FER1L6: variants seen among roughly 807,000 people sequenced by gnomAD.
FER1L6 encodes fer-1-like protein 6.
FER1L6 carries 177 observed loss-of-function variants against 219.2 expected under a neutral mutation model. The observed-to-expected ratio is 0.81, with a 90% CI of 0.71 to 0.91. The LOEUF is 0.91. Among genes scored for constraint, FER1L6 ranks in the 40% least tolerant of loss-of-function variants. The pLI, the probability that FER1L6 is intolerant of heterozygous loss-of-function variation, is 0.00. For missense variants in FER1L6, 2,153 were observed against 2,259.9 expected, an observed-to-expected ratio of 0.95 and a Z score of 0.96; for synonymous variants, 768 against 824.3, an observed-to-expected ratio of 0.93 and a Z score of 1.17.
At chr8:124,054,590 C>G (rs950809301) in intron 22 of FER1L6, among the ~76,000 whole-genome samples, 1 of 152,176 alleles carries the variant, frequency 6.6e-6, no homozygotes, top group African/African-American at 2.4e-5. Flanking sequence ...GAAATTTGTC[C>G]TCAGACTACT....
intron 1 of FER1L6, among the ~76,000 whole-genome samples, chr8:123,923,021 G>C (rs544704849): frequency 1.3e-5 from 2 of 152,112 alleles, no homozygotes; most frequent in East Asian, 3.9e-4. Context: ...TCTCAGTCTA[G>C]CCACATCCTT....
At chr8:123,967,183 C>T (rs113117359) in intron 5 of FER1L6, among the ~76,000 whole-genome samples, 1 of 152,072 alleles carries the variant, frequency 6.6e-6, no homozygotes, top group African/African-American at 2.4e-5. Flanking sequence ...CTTTGATCCC[C>T]AATGCCCTAG....
chr8:124,070,533 T>C lies in FER1L6; in HGVS notation c.3901T>C (p.Phe1301Leu). The change falls in exon 30 of 41, where the codon TTC becomes CTC. Residue 1301 changes from phenylalanine (F) to leucine (L), a missense_variant. Coordinates refer to ENST00000522917, the MANE Select transcript of FER1L6 (RefSeq NM_001039112.2). ...FEDWVKTFEL[F>L]RGKSTEDDHG... ...AGACTGGGTGAAAACTTTTGAGCTC[T>C]TCAGAGGCAAGTCTACGGAAGATGA... The C allele has an allele frequency of 6.2e-7, 1 of 1,613,194 alleles. No homozygotes were observed.
intron 31 of FER1L6, among the ~76,000 whole-genome samples, chr8:124,072,766 C>G (rs1383131277): frequency 4.6e-5 from 7 of 152,190 alleles, no homozygotes; most frequent in Admixed American, 3.9e-4. Context: ...CTTAGAGTCA[C>G]TGACAATGTT....
In FER1L6 at chr8:123,930,744, G is replaced by A. The variant is rs181457632; in HGVS notation, c.-7-25248G>A. ...CAGGGATTGCTGTGGGATGGAATGG[G>A]CTGGTGCATGTACAACACTGGGCAG... On this transcript the variant is annotated intron_variant, in intron 1 of 40. Transcript: ENST00000522917. 1.7e-3 allele frequency among the ~76,000 whole-genome samples: 252 copies of A among 152,308 alleles called. 1 individual carries two copies. Among genetic ancestry groups the A allele is most frequent in the African/African-American group, 5.9e-3 (247 of 41,568 alleles).
At position 123,977,405 on chromosome 8, in the gene FER1L6, CTG is replaced by C; in HGVS notation, c.871-8_871-7del. ...CCTTCCATGACTCATGTCCTCCTGG[CTG>C]TGTTTTTAGGGGCGAACCACAGTGC... On this transcript the variant is annotated splice_polypyrimidine_tract_variant and intron_variant, in intron 9 of 40. Transcript: ENST00000522917. 1 of 1,609,774 alleles carries C rather than the reference CTG, an allele frequency of 6.2e-7. No individual in the cohort carries two copies. Among genetic ancestry groups the C allele is most frequent in the Non-Finnish European group, 8.5e-7 (1 of 1,177,422 alleles).
At position 123,970,311 on chromosome 8, in the gene FER1L6, G is replaced by A. The variant is rs191223274; in HGVS notation, c.447+214G>A. ...TTAAGAAGATCTATGCTTCTTGGAA[G>A]CAAGTGGTAAGCTATGGTAAAGCTA... On this transcript the variant is annotated intron_variant, in intron 6 of 40. Coordinates refer to ENST00000522917, the MANE Select transcript of FER1L6 (RefSeq NM_001039112.2). Among the ~76,000 whole-genome samples the A allele has an allele frequency of 7.9e-5, 12 of 152,332 alleles. No individual in the cohort carries two copies. The East Asian group carries it at 2.3e-3, about 29-fold the overall frequency.
intron 39 of FER1L6, among the ~76,000 whole-genome samples, chr8:124,110,340 C>T (rs868250700): frequency 6.6e-6 from 1 of 152,198 alleles, no homozygotes. Flanking sequence ...TAACTTGCCT[C>T]ATAGCACACA....
chr8:123,866,934 A>T (rs149146514), intron 1 of FER1L6, among the ~76,000 whole-genome samples: 44 of 152,218 alleles, frequency 2.9e-4, no homozygotes, highest in African/African-American at 1.1e-3. Flanking sequence ...ATTTGTTTTT[A>T]TGCTATTGAA....
chr8:123,957,537 T>C (rs961107285), intron 2 of FER1L6, among the ~76,000 whole-genome samples: 25 of 152,222 alleles, frequency 1.6e-4, no homozygotes, highest in African/African-American at 6.0e-4. Flanking sequence ...ACATCATTCA[T>C]GACTCTGAAA....
chr8:123,970,008 G>C (rs770593483), intron 5 of FER1L6, 27 bp from the exon 6 acceptor site: 3 of 1,607,056 alleles, frequency 1.9e-6, no homozygotes, highest in African/African-American at 1.3e-5. Context: ...TGGGGTTGAT[G>C]ACCAGAATGA....
intron 12 of FER1L6, among the ~76,000 whole-genome samples, chr8:123,997,185 G>A (rs1453591679): frequency 6.6e-6 from 1 of 152,068 alleles, no homozygotes; most frequent in Non-Finnish European, 1.5e-5. Flanking sequence ...ATGTCTTTTA[G>A]GATAGGTCTA....
chr8:124,029,548 T>C (rs1818868637), intron 18 of FER1L6, among the ~76,000 whole-genome samples: 1 of 152,250 alleles, frequency 6.6e-6, no homozygotes, highest in Admixed American at 6.5e-5. Context: ...TCATGTTTGT[T>C]GGCTGTATAA....
chr8:124,050,637 G>A (rs1248149627), intron 22 of FER1L6, among the ~76,000 whole-genome samples: 2 of 152,232 alleles, frequency 1.3e-5, no homozygotes, highest in Non-Finnish European at 2.9e-5. Context: ...TATAGACTGG[G>A]TAGTTTAAAC....
At chr8:124,054,979 G>C (rs1820215628) in intron 22 of FER1L6, among the ~76,000 whole-genome samples, 1 of 152,148 alleles carries the variant, frequency 6.6e-6, no homozygotes, top group Non-Finnish European at 1.5e-5. Context: ...TCAGATTGGA[G>C]ATAAAGGCAC....
At position 124,061,913 on chromosome 8, in the gene FER1L6, CT is replaced by C. The variant is rs1272616656; in HGVS notation, c.3213del (p.Phe1071LeufsTer15). On this transcript the variant is annotated frameshift_variant, in exon 25 of 41. Transcript: ENST00000522917. LOFTEE classifies it high-confidence loss of function. The part of the protein sequence containing the change: ...PLSICVVDWR[A>X]FGRSTLVGTY... The stretch of plus-strand genomic sequence containing the variant: ...AGCATCTGCGTGGTGGACTGGAGAG[CT>C]TTTGGGAGGAGTACCCTTGTGGGCA... 1 of 1,614,040 alleles carries C rather than the reference CT, an allele frequency of 6.2e-7. No homozygotes were observed. Among genetic ancestry groups the C allele is most frequent in the African/African-American group, 1.3e-5 (1 of 74,928 alleles).
intron 1 of FER1L6, among the ~76,000 whole-genome samples, chr8:123,915,321 C>T (rs1813152453): frequency 6.6e-6 from 1 of 151,978 alleles, no homozygotes; most frequent in Admixed American, 6.6e-5. Flanking sequence ...GGCAGTTTGT[C>T]ATGTGGTTCA....
intron 2 of FER1L6, among the ~76,000 whole-genome samples, chr8:123,962,582 C>T (rs1188978684): frequency 6.6e-6 from 1 of 151,996 alleles, no homozygotes; most frequent in Non-Finnish European, 1.5e-5. Context: ...TATGCCTGAC[C>T]TCCTGTCTCA....
chr8:124,119,859 A>G lies in FER1L6; in HGVS notation c.*69A>G. The stretch of plus-strand genomic sequence containing the variant: ...CTTCCTTATCTGGGAGCATCTAAGA[A>G]CATGTCCCATGCATGGCACTGTGCT... On this transcript the variant is annotated 3_prime_UTR_variant, in exon 41 of 41. Transcript: ENST00000522917. The G allele has an allele frequency of 6.6e-7, 1 of 1,509,414 alleles. No homozygotes were observed. Among genetic ancestry groups the G allele is most frequent in the South Asian group, 1.2e-5 (1 of 81,754 alleles). 93.5% of individuals were successfully genotyped at this position (1,509,414 alleles called of 1,614,324 possible). A position where few individuals can be genotyped will look rare whatever the true frequency, so the allele number is the denominator to read the frequency against.
Sources: allele counts gnomAD v4.1 joint callset (sites outside exome capture counted in the v4.1 genomes callset), GRCh38; gene constraint gnomAD v4.1.1; transcripts MANE v1.5; gene names NCBI Gene and HGNC (gene_info 2026-07-23, HGNC 2026-07-21).